The following GLG1 variants were observed in gnomAD, a reference collection of about 807,000 sequenced individuals.
GLG1 encodes golgi glycoprotein 1.
A neutral mutation model predicts 160.5 loss-of-function variants in GLG1; 38 were observed. That is an observed-to-expected ratio of 0.24 (90% CI 0.18 to 0.31). GLG1 has a LOEUF of 0.31. Among genes scored for constraint, GLG1 ranks in the 10% least tolerant of loss-of-function variants. The pLI is 1.00. For synonymous variants in GLG1, 644 were observed against 543.4 expected, an observed-to-expected ratio of 1.19 and a Z score of -2.57; for missense variants, 1,373 against 1,505.2, an observed-to-expected ratio of 0.91 and a Z score of 1.45.
intron 1 of GLG1, among the ~76,000 whole-genome samples, chr16:74,535,598 A>G (rs2017666846): frequency 6.6e-6 from 1 of 152,074 alleles, no homozygotes; most frequent in Non-Finnish European, 1.5e-5. Flanking sequence ...ATAGCTGGTT[A>G]ATTTTTTAAA....
At chr16:74,579,632 G>A (rs987735853) in intron 1 of GLG1, among the ~76,000 whole-genome samples, 2 of 151,880 alleles carry the variant, frequency 1.3e-5, no homozygotes, top group Admixed American at 6.6e-5. Context: ...TGAGGCAGGA[G>A]AATGGCTTGA....
At chr16:74,546,698 C>T (rs1223953169) in intron 1 of GLG1, among the ~76,000 whole-genome samples, 1 of 151,100 alleles carries the variant, frequency 6.6e-6, no homozygotes, top group African/African-American at 2.4e-5. Flanking sequence ...GTTAGCCAGG[C>T]GTGGTGGCAG....
At chr16:74,454,044 T>C (rs1165325650) in intron 25 of GLG1, among the ~76,000 whole-genome samples, 1 of 151,770 alleles carries the variant, frequency 6.6e-6, no homozygotes, top group Non-Finnish European at 1.5e-5. Context: ...GCTAATTTTT[T>C]TGGTATTTTT....
Position 74,465,515 on chromosome 16 carries a change from AG to A in GLG1, c.2667+160del, listed in dbSNP as rs1032193769. Among the ~76,000 whole-genome samples the A allele has an allele frequency of 9.9e-5, 15 of 152,156 alleles. 2 individuals carry two copies. The highest frequency in any genetic ancestry group is 1.9e-4 in the East Asian group (1 of 5,166). On this transcript the variant is annotated intron_variant, in intron 19 of 25. Transcript: ENST00000422840. ...AGAGTTTCTGATTCAGCAGATCTGG[AG>A]GGGGGCCCAGGAACCCGCAGGCTCC...
intron 1 of GLG1, among the ~76,000 whole-genome samples, chr16:74,568,468 A>G (rs1338243398): frequency 6.9e-6 from 1 of 145,936 alleles, no homozygotes; most frequent in Non-Finnish European, 1.5e-5. Context: ...CCCAGGCTGG[A>G]GTGCAATGGC....
chr16:74,558,680 A>T (rs907020251), intron 1 of GLG1, among the ~76,000 whole-genome samples: 1 of 152,184 alleles, frequency 6.6e-6, no homozygotes, highest in African/African-American at 2.4e-5. Context: ...TTTGTAACTT[A>T]TTTCTTACCC....
intron 1 of GLG1, among the ~76,000 whole-genome samples, chr16:74,544,307 G>A (rs2017982361): frequency 6.6e-6 from 1 of 151,228 alleles, no homozygotes; most frequent in Non-Finnish European, 1.5e-5. Flanking sequence ...TATTTAACAT[G>A]TTTTTGTTTT....
At chr16:74,512,228 G>A (rs1201908803) in intron 2 of GLG1, among the ~76,000 whole-genome samples, 15 of 133,956 alleles carry the variant, frequency 1.1e-4, no homozygotes, top group South Asian at 5.0e-4. Context: ...GCGCGATCTC[G>A]ACTCACTGAA....
At chr16:74,474,661 T>C in intron 12 of GLG1, 29 bp from the exon 13 acceptor site, 1 of 1,033,452 alleles carries the variant, frequency 9.7e-7, no homozygotes, top group South Asian at 1.3e-5. Flanking sequence ...GCCACTGGCA[T>C]TTATCAGTCA....
intron 1 of GLG1, among the ~76,000 whole-genome samples, chr16:74,600,783 G>A (rs1324931662): frequency 5.5e-5 from 8 of 145,938 alleles, no homozygotes; most frequent in African/African-American, 2.0e-4. Flanking sequence ...GAAATTTCAA[G>A]CTAAGAATAG....
At position 74,456,712 on chromosome 16, in the gene GLG1, C is replaced by T; in HGVS notation, c.3309G>A (p.Arg1103=). 1 of 1,611,972 alleles carries T rather than the reference C, an allele frequency of 6.2e-7. No homozygotes were observed. Among genetic ancestry groups the T allele is most frequent in the Non-Finnish European group, 8.5e-7 (1 of 1,178,962 alleles). Residue 1103 remains arginine (R), a synonymous_variant, in exon 25 of 26, where the codon AGG becomes AGA. Transcript: ENST00000422840. ...LMEALEDKRV[R]LQPECKKRLN... ...GGCGCTTTTTGCACTCGGGCTGTAA[C>T]CTCACCCGCTTATCCTCCAGTGCTT...
At chr16:74,596,688 A>G (rs550972470) in intron 1 of GLG1, among the ~76,000 whole-genome samples, 1 of 152,354 alleles carries the variant, frequency 6.6e-6, no homozygotes, top group South Asian at 2.1e-4. Context: ...GTGCAGTCCT[A>G]GGTTACTTAT....
chr16:74,459,489 T>A (rs2014696928), intron 23 of GLG1, among the ~76,000 whole-genome samples, 193 bp downstream of exon 23: 1 of 152,070 alleles, frequency 6.6e-6, no homozygotes, highest in African/African-American at 2.4e-5. Flanking sequence ...AAGAAAAGAA[T>A]ATTCACATTA....
intron 1 of GLG1, among the ~76,000 whole-genome samples, chr16:74,543,170 C>A (rs1289848778): frequency 2.0e-5 from 3 of 152,106 alleles, no homozygotes; most frequent in African/African-American, 7.2e-5. Flanking sequence ...ACTGGTGCTT[C>A]TGAAGAGTAC....
Position 74,485,805 on chromosome 16 carries a change from C to G in GLG1, c.1562G>C (p.Gly521Ala). The change falls in exon 9 of 26, where the codon GGA becomes GCA. Residue 521 changes from glycine (G) to alanine (A), a missense_variant. By Grantham distance (60) the Gly-to-Ala change is moderately conservative. Coordinates refer to ENST00000422840, the MANE Select transcript of GLG1 (RefSeq NM_001145667.2). Reference sequence around the variant, plus strand: ...GGAGAAGATAACTTACATTGGGTCTCCAGATCTTATATGTTTGCAGGCTGT... The same window carrying G: ...GGAGAAGATAACTTACATTGGGTCTGCAGATCTTATATGTTTGCAGGCTGT... ...IQTACKHIRS[G>A]DPMILSCLME... The G allele has an allele frequency of 6.2e-7, 1 of 1,613,062 alleles. No homozygotes were observed. The highest frequency in any genetic ancestry group is 8.5e-7 in the Non-Finnish European group (1 of 1,179,238).
At chr16:74,472,320 TA>T in intron 14 of GLG1, 28 bp downstream of exon 14, 1 of 1,545,264 alleles carries the variant, frequency 6.5e-7, no homozygotes, top group African/African-American at 1.4e-5. Context: ...TTTCTGTTTT[TA>T]ACCCTTGCTC....
chr16:74,507,932 T>C (rs1444140644), intron 3 of GLG1, among the ~76,000 whole-genome samples: 2 of 152,142 alleles, frequency 1.3e-5, no homozygotes, highest in Admixed American at 6.6e-5. Context: ...ATATTAAAGC[T>C]AGGAGCTAAA....
intron 1 of GLG1, among the ~76,000 whole-genome samples, chr16:74,602,055 T>C (rs996214347): frequency 6.6e-6 from 1 of 152,094 alleles, no homozygotes; most frequent in African/African-American, 2.4e-5. Context: ...ACAATAGAGA[T>C]GGTGTAGTCC....
chr16:74,531,940 G>A (rs946544694), intron 2 of GLG1, among the ~76,000 whole-genome samples, 181 bp downstream of exon 2: 5 of 152,156 alleles, frequency 3.3e-5, no homozygotes, highest in African/African-American at 1.2e-4. Context: ...GGGAGAACCT[G>A]CAGGCTTCTA....
Sources: allele counts gnomAD v4.1 joint callset (sites outside exome capture counted in the v4.1 genomes callset), GRCh38; gene constraint gnomAD v4.1.1; transcripts MANE v1.5; gene names NCBI Gene and HGNC (gene_info 2026-07-23, HGNC 2026-07-21).